The following TANC1 variants were observed in gnomAD, a reference collection of about 807,000 sequenced individuals.
TANC1 encodes the protein tetratricopeptide repeat, ankyrin repeat and coiled-coil containing 1.
Under a neutral mutation model 149.7 loss-of-function variants are expected in TANC1, and 77 were observed. The observed-to-expected ratio is 0.51, with a 90% CI of 0.43 to 0.62. The LOEUF (loss-of-function observed/expected upper bound fraction) is 0.62, where lower values mean the gene tolerates loss of function less well. Among genes scored for constraint, TANC1 ranks in the 20% least tolerant of loss-of-function variants. The probability of loss-of-function intolerance (pLI) is 0.00; values close to 1 mark genes in which losing one functional copy is unlikely to be tolerated. For missense variants in TANC1, 1,985 were observed against 2,321.8 expected (o/e 0.85, Z 2.98); for synonymous variants, 854 against 925.0 (o/e 0.92, Z 1.39).
intron 19 of TANC1, among the ~76,000 whole-genome samples, chr2:159,199,533 C>T (rs976939727): frequency 1.3e-5 from 2 of 152,224 alleles, no homozygotes; most frequent in Non-Finnish European, 2.9e-5. Context: ...CTCACATTAC[C>T]GTACGAATGC....
intron 2 of TANC1, among the ~76,000 whole-genome samples, chr2:159,043,004 G>A (rs185145670): frequency 1.6e-4 from 25 of 152,218 alleles, no homozygotes; most frequent in South Asian, 4.2e-4. Flanking sequence ...GTGGTAAACC[G>A]GATGCATCTA....
At chr2:159,175,308 G>A (rs986874351) in intron 12 of TANC1, 124 bp downstream of exon 12, 33 of 742,068 alleles carry the variant, frequency 4.4e-5, no homozygotes, top group African/African-American at 4.2e-4. Flanking sequence ...AGAGGATGTC[G>A]AAGCCTCCGT....
intron 1 of TANC1, among the ~76,000 whole-genome samples, chr2:158,975,108 CTAGA>C (rs1244447839): frequency 2.0e-5 from 3 of 151,940 alleles, no homozygotes; most frequent in Admixed American, 2.0e-4. Flanking sequence ...AATGTAAATG[CTAGA>C]TAAATAGTTG....
chr2:159,181,247 A>G (rs2056435936), intron 14 of TANC1, among the ~76,000 whole-genome samples: 1 of 147,912 alleles, frequency 6.8e-6, no homozygotes, highest in Non-Finnish European at 1.5e-5. Flanking sequence ...GTTGTGCAAA[A>G]CTCCTAGGAG....
At chr2:159,214,338 T>C (rs1458274488) in intron 19 of TANC1, among the ~76,000 whole-genome samples, 2 of 152,204 alleles carry the variant, frequency 1.3e-5, no homozygotes, top group Non-Finnish European at 2.9e-5. Flanking sequence ...TCACAGACCT[T>C]GAGGATTTGC....
At chr2:159,096,293 ATTTT>A in intron 3 of TANC1, among the ~76,000 whole-genome samples, 1 of 130,744 alleles carries the variant, frequency 7.6e-6, no homozygotes, top group Admixed American at 7.7e-5. Context: ...GACTGGCTGT[ATTTT>A]TTTTTTTTTT....
chr2:159,107,757 T>A (rs1223046063), intron 4 of TANC1, among the ~76,000 whole-genome samples: 2 of 150,628 alleles, frequency 1.3e-5, no homozygotes, highest in Non-Finnish European at 2.9e-5. Context: ...CTTGCATCTC[T>A]TGCTTGGTCC....
At position 159,149,126 on chromosome 2, in the gene TANC1, T is replaced by C. The variant is rs2052483754; in HGVS notation, c.365-16T>C. On this transcript the variant is annotated splice_polypyrimidine_tract_variant and intron_variant, in intron 5 of 26. Coordinates refer to ENST00000263635, the MANE Select transcript of TANC1 (RefSeq NM_033394.3). ...CCCCAGAGGGGCATCTTCATTGTTT[T>C]CTTTCTTTGTTCCAGAAGCAAAGGC... The C allele has an allele frequency of 1.9e-6, 3 of 1,564,742 alleles. No homozygotes were observed. Among genetic ancestry groups the C allele is most frequent in the South Asian group, 1.2e-5 (1 of 82,194 alleles).
intron 16 of TANC1, among the ~76,000 whole-genome samples, chr2:159,190,137 T>C (rs955993214): frequency 3.3e-5 from 5 of 152,208 alleles, no homozygotes; most frequent in Admixed American, 6.5e-5. Flanking sequence ...GATGGCATGC[T>C]GCTGTTTTCT....
At position 159,219,844 on chromosome 2, in the gene TANC1, G is replaced by T. The variant is rs769850449; in HGVS notation, c.3655G>T (p.Ala1219Ser). 3 of 1,613,342 alleles carry T rather than the reference G, an allele frequency of 1.9e-6. No homozygotes were observed. Among genetic ancestry groups the T allele is most frequent in the Non-Finnish European group, 1.7e-6 (2 of 1,180,022 alleles). The part of the protein sequence containing the change: ...KNGRTPLDLA[A>S]FYGDAETVLY... ...TGGCCGCACACCCTTGGACCTGGCTGCCTTCTATGGCGATGCCGAGACTGT... is the reference window on the plus strand; with the variant it reads ...TGGCCGCACACCCTTGGACCTGGCTTCCTTCTATGGCGATGCCGAGACTGT... The change falls in exon 22 of 27, where the codon GCC becomes TCC. Residue 1219 changes from alanine (A) to serine (S), a missense_variant. Transcript: ENST00000263635.
At position 159,149,149 on chromosome 2, in the gene TANC1, G is replaced by T. The variant is rs764559384; in HGVS notation, c.372G>T (p.Lys124Asn). 12 of 1,591,012 alleles carry T rather than the reference G, an allele frequency of 7.5e-6. No homozygotes were observed. Among genetic ancestry groups the T allele is most frequent in the Non-Finnish European group, 1.0e-5 (12 of 1,168,638 alleles). Residue 124 changes from lysine to asparagine, a missense_variant, in exon 6 of 27, where the codon AAG becomes AAT. Physicochemically the swap from Lys to Asn is moderately conservative, Grantham distance 94. Around this residue, in one of 3 missense-constraint regions of TANC1, gnomAD observed 557 missense variants for 612.9 expected, o/e 0.91. Coordinates refer to ENST00000263635, the MANE Select transcript of TANC1 (RefSeq NM_033394.3). ...KPTEPDEHEA[K>N]ADNEPSCSPA... ...TTTCTTTCTTTGTTCCAGAAGCAAA[G>T]GCCGATAATGAACCGAGCTGTTCGC...
Position 158,994,271 on chromosome 2 carries a change from A to G in TANC1, c.-125-6809A>G, listed in dbSNP as rs190011388. ...ATAGAGTGATCTATTTTATTTTACT[A>G]TTTTTTCTTTATATTTTTTAGAGAC... On this transcript the variant is annotated intron_variant, in intron 1 of 26. Coordinates refer to ENST00000263635, the MANE Select transcript of TANC1 (RefSeq NM_033394.3). Among the ~76,000 whole-genome samples, 134 of 151,968 alleles carry G rather than the reference A, an allele frequency of 8.8e-4. 1 individual carries two copies. The highest frequency in any genetic ancestry group is 3.1e-3 in the African/African-American group (128 of 41,456).
chr2:159,219,992 G>A, intron 22 of TANC1, 125 bp downstream of exon 22: 2 of 634,524 alleles, frequency 3.2e-6, no homozygotes, highest in Non-Finnish European at 5.0e-6. Flanking sequence ...GTGTGTGTGT[G>A]TGTGTGTGTG....
At chr2:159,016,112 A>T in intron 2 of TANC1, among the ~76,000 whole-genome samples, 1 of 152,262 alleles carries the variant, frequency 6.6e-6, no homozygotes, top group East Asian at 1.9e-4. Context: ...TGAGCAGTTT[A>T]CAAAAGAAAG....
intron 7 of TANC1, among the ~76,000 whole-genome samples, chr2:159,152,411 TTTC>T (rs1316627791): frequency 6.6e-6 from 1 of 152,222 alleles, no homozygotes; most frequent in Non-Finnish European, 1.5e-5. Flanking sequence ...TGACAGGCTT[TTTC>T]TTTTGAACAT....
intron 4 of TANC1, among the ~76,000 whole-genome samples, chr2:159,117,145 T>A (rs1345880193): frequency 2.6e-5 from 4 of 152,148 alleles, no homozygotes; most frequent in Non-Finnish European, 5.9e-5. Flanking sequence ...GAACACAACC[T>A]AAATACAACA....
chr2:158,976,404 A>T (rs1250772508), intron 1 of TANC1, among the ~76,000 whole-genome samples: 2 of 152,170 alleles, frequency 1.3e-5, no homozygotes, highest in African/African-American at 4.8e-5. Flanking sequence ...ATCCATCTAA[A>T]TACATTTATG....
intron 7 of TANC1, among the ~76,000 whole-genome samples, chr2:159,153,351 C>T (rs896591762): frequency 3.9e-5 from 6 of 152,296 alleles, no homozygotes; most frequent in Non-Finnish European, 7.3e-5. Flanking sequence ...TCCCATAACT[C>T]GGCTGAGCAT....
intron 3 of TANC1, among the ~76,000 whole-genome samples, chr2:159,069,765 CTTTTTTTTTTTTT>C (rs67843631): frequency 3.7e-5 from 4 of 109,374 alleles, no homozygotes; most frequent in African/African-American, 1.4e-4. Flanking sequence ...TATGTGCAAG[CTTTTTTTTTTTTT>C]TTTTTTTTGA....
Sources: allele counts gnomAD v4.1 joint callset (sites outside exome capture counted in the v4.1 genomes callset), GRCh38; gene constraint gnomAD v4.1.1; regional missense constraint gnomAD v4.1.1; transcripts MANE v1.5; gene names NCBI Gene and HGNC (gene_info 2026-07-23, HGNC 2026-07-21).